Variants in DUS4L observed in about 807,000 individuals in gnomAD.
The protein encoded by DUS4L is dihydrouridine synthase 4 like, also known as tRNA-dihydrouridine(20a/20b) synthase [NAD(P)+]-like.
Under a neutral mutation model 33.8 loss-of-function variants are expected in DUS4L, and 31 were observed. The observed-to-expected ratio is 0.92, with a 90% CI of 0.69 to 1.24. The LOEUF (loss-of-function observed/expected upper bound fraction) is 1.24. Among genes scored for constraint, DUS4L ranks in the 50% most tolerant of loss-of-function variants. The pLI is 0.00. For synonymous variants in DUS4L, 103 were observed against 120.3 expected (o/e 0.86, Z 0.94); for missense variants, 368 against 388.6 (o/e 0.95, Z 0.45).
chr7:107,568,602 T>C lies in DUS4L; in HGVS notation c.116+1416T>C, dbSNP rs1804919279. Among the ~76,000 whole-genome samples, 4 of 152,326 alleles carry C rather than the reference T, an allele frequency of 2.6e-5. No homozygotes were observed. In the South Asian group the frequency reaches 8.3e-4, roughly 32 times the overall value. Reference sequence around the variant, plus strand: ...TGTCAGATGTGTGATTTGCACGTATTTTCTCCCTGTATATGGCTTGTCTTT... The same window carrying C: ...TGTCAGATGTGTGATTTGCACGTATCTTCTCCCTGTATATGGCTTGTCTTT... On this transcript the variant is annotated intron_variant, in intron 3 of 7. Coordinates refer to ENST00000265720, the MANE Select transcript of DUS4L (RefSeq NM_181581.3).
Position 107,576,541 on chromosome 7 carries a change from A to G in DUS4L, c.655A>G (p.Ile219Val), listed in dbSNP as rs769549996. The G allele has an allele frequency of 3.7e-6, 6 of 1,600,706 alleles. No homozygotes were observed. The East Asian group carries it at 9.0e-5, about 24-fold the overall frequency. The change falls in exon 7 of 8, where the codon ATC becomes GTC. Residue 219 changes from isoleucine (I) to valine (V), a missense_variant. Physicochemically the swap from Ile to Val is conservative, Grantham distance 29 (BLOSUM62 3). Transcript: ENST00000265720. ...MSIPVIANGD[I>V]RSLKEAENVW... Reference sequence around the variant, plus strand: ...TATACCTGTAATTGCTAATGGAGACATCAGAAGCTTAAAGGAAGCAGAAAA... The same window carrying G: ...TATACCTGTAATTGCTAATGGAGACGTCAGAAGCTTAAAGGAAGCAGAAAA...
chr7:107,570,936 A>T (rs1584992032), intron 3 of DUS4L: 1 of 527,958 alleles, frequency 1.9e-6, no homozygotes, highest in South Asian at 2.2e-5. Context: ...GCCTATCTGG[A>T]CATCTTTTCT....
At chr7:107,574,581 G>T (rs367579312) in intron 5 of DUS4L, among the ~76,000 whole-genome samples, 1 of 152,018 alleles carries the variant, frequency 6.6e-6, no homozygotes, top group African/African-American at 2.4e-5. Context: ...CAGGTGATCC[G>T]CCCGCCTTGG....
At chr7:107,576,833 G>C (rs1805800614) in intron 7 of DUS4L, 1 of 402,184 alleles carries the variant, frequency 2.5e-6, no homozygotes. Context: ...CTAGTGACCA[G>C]TGAAGAATTT....
chr7:107,571,344 C>G, intron 4 of DUS4L, 78 bp downstream of exon 4: 2 of 1,517,914 alleles, frequency 1.3e-6, no homozygotes, highest in Non-Finnish European at 1.8e-6. Context: ...TCAGAAACAA[C>G]ACAATTTAGA....
At chr7:107,576,027 C>G (rs1805701276) in intron 6 of DUS4L, among the ~76,000 whole-genome samples, 1 of 152,170 alleles carries the variant, frequency 6.6e-6, no homozygotes, top group Non-Finnish European at 1.5e-5. Flanking sequence ...ATTATATTCT[C>G]CCACTGGGGG....
intron 6 of DUS4L, among the ~76,000 whole-genome samples, chr7:107,575,903 G>A (rs1805683494): frequency 6.6e-6 from 1 of 152,164 alleles, no homozygotes; most frequent in Admixed American, 6.5e-5. Context: ...ACGTTGGCCA[G>A]GCCAGTCCTG....
rs113993530 is a variant in DUS4L, at chr7:107,576,277, T to A, written c.480-89T>A. On this transcript the variant is annotated intron_variant, in intron 6 of 7. Transcript: ENST00000265720. ...AATATGATATAGCAAAGCTAACTAA[T>A]TTGGTAGATGAAATACCATTTTAGT... 5.1e-5 allele frequency: 64 copies of A among 1,264,922 alleles called. No homozygotes were observed. The African/African-American group carries it at 7.3e-4, about 15-fold the overall frequency. The allele number at this position is 1,264,922 out of a possible 1,614,324, so 78.4% of individuals were successfully genotyped here.
chr7:107,577,470 G>GATA lies in DUS4L; in HGVS notation c.866_868dup (p.Ile289dup). ...AACATTTAATGTACATGATGGAAAA[G>GATA]ATAACTTCAAGGCAGGAAAAAAGGG... On this transcript the variant is annotated inframe_insertion, in exon 8 of 8. Coordinates refer to ENST00000265720, the MANE Select transcript of DUS4L (RefSeq NM_181581.3). 6.2e-7 allele frequency: 1 copy of GATA among 1,614,126 alleles called. No homozygotes were observed. The highest frequency in any genetic ancestry group is 8.5e-7 in the Non-Finnish European group (1 of 1,180,014).
chr7:107,567,218 A>G, intron 3 of DUS4L, 32 bp downstream of exon 3: 1 of 1,589,678 alleles, frequency 6.3e-7, no homozygotes, highest in Non-Finnish European at 8.6e-7. Context: ...ATGAACTAAG[A>G]TGAAATTTCC....
At position 107,567,106 on chromosome 7, in the gene DUS4L, G is replaced by A. The variant is rs1392298488; in HGVS notation, c.36G>A (p.Gln12=). 8 of 1,613,268 alleles carry A rather than the reference G, an allele frequency of 5.0e-6. No homozygotes were observed. The African/African-American group carries it at 1.1e-4, about 22-fold the overall frequency. ...KSDCMQTTIC[Q]ERKKDPIEMF... is the part of the protein sequence containing the mutation. ...ACTGCATGCAAACGACAATATGTCA[G>A]GAAAGAAAAAAAGATCCCATAGAAA... is the stretch of plus-strand genomic sequence containing the variant. Residue 12 remains glutamine (Q), a synonymous_variant, in exon 3 of 8, where the codon CAG becomes CAA. Coordinates refer to ENST00000265720, the MANE Select transcript of DUS4L (RefSeq NM_181581.3).
Position 107,564,046 on chromosome 7 carries a change from T to G in DUS4L, c.-274T>G, listed in dbSNP as rs1663390495. The stretch of plus-strand genomic sequence containing the variant: ...AGCCCGCGCCTGGGCTAAGCCTGGC[T>G]AGGAGCCGCGCAGGTACTCGAGCAG... On this transcript the variant is annotated 5_prime_UTR_variant, in exon 1 of 8. Transcript: ENST00000265720. 7.5e-6 allele frequency: 11 copies of G among 1,471,042 alleles called. No homozygotes were observed. The highest frequency in any genetic ancestry group is 9.1e-6 in the Non-Finnish European group (10 of 1,101,992). 91.1% of individuals were successfully genotyped at this position (1,471,042 alleles called of 1,614,324 possible).
chr7:107,575,204 G>A lies in DUS4L; in HGVS notation c.373G>A (p.Gly125Ser), dbSNP rs1331490327. 1 of 1,607,750 alleles carries A rather than the reference G, an allele frequency of 6.2e-7. No individual in the cohort carries two copies. Among genetic ancestry groups the A allele is most frequent in the African/African-American group, 1.3e-5 (1 of 74,332 alleles). Reference sequence around the variant, plus strand: ...TTTACAAAGGTGGGCAATGGCAGAAGGTTATGGGGCTTGCTTAATAAACAA... The same window carrying A: ...TTTACAAAGGTGGGCAATGGCAGAAAGTTATGGGGCTTGCTTAATAAACAA... The part of the protein sequence containing the change: ...GCPQRWAMAE[G>S]YGACLINKPE... Residue 125 changes from glycine (G) to serine (S), a missense_variant, in exon 6 of 8, where the codon GGT (glycine) becomes AGT (serine). Physicochemically the swap from Gly to Ser is moderately conservative, Grantham distance 56. Transcript: ENST00000265720.
chr7:107,573,722 T>A lies in DUS4L; in HGVS notation c.257T>A (p.Val86Asp), dbSNP rs560938528. ...TTNQGDCPLI[V>D]QFAANDARLL... The stretch of plus-strand genomic sequence containing the variant: ...TTGTCAGGTGATTGCCCATTGATTG[T>A]TCAGTTTGCTGCTAACGATGCAAGA... The change falls in exon 5 of 8, where the codon GTT becomes GAT. Residue 86 changes from valine to aspartate, a missense_variant. Val to Asp is a radical substitution (Grantham distance 152). Coordinates refer to ENST00000265720, the MANE Select transcript of DUS4L (RefSeq NM_181581.3). 1.1e-5 allele frequency: 17 copies of A among 1,609,314 alleles called. No individual in the cohort carries two copies. Among genetic ancestry groups the A allele is most frequent in the Non-Finnish European group, 1.4e-5 (16 of 1,178,182 alleles).
chr7:107,565,724 T>C (rs947261451), intron 2 of DUS4L, among the ~76,000 whole-genome samples: 2 of 152,072 alleles, frequency 1.3e-5, no homozygotes, highest in African/African-American at 4.8e-5. Context: ...GGGGTCTCAC[T>C]ATATTGCCCA....
chr7:107,578,380 A>AT lies in DUS4L; in HGVS notation c.*822dup, dbSNP rs2129200083. 6.6e-6 allele frequency: 1 copy of AT among 152,342 alleles called. No homozygotes were observed. The highest frequency in any genetic ancestry group is 2.4e-5 in the African/African-American group (1 of 41,572). The allele number at this position is 152,342 out of a possible 1,614,324, so 9.4% of individuals were successfully genotyped here. ...TTATCGGTGGGCATGCACTGCAAGA[A>AT]TTAAGTATCTCAGACTGAAATAAAA... On this transcript the variant is annotated 3_prime_UTR_variant, in exon 8 of 8. Coordinates refer to ENST00000265720, the MANE Select transcript of DUS4L (RefSeq NM_181581.3).
chr7:107,577,953 A>G lies in DUS4L; in HGVS notation c.*393A>G, dbSNP rs1247150698. On this transcript the variant is annotated 3_prime_UTR_variant, in exon 8 of 8. Transcript: ENST00000265720. The stretch of plus-strand genomic sequence containing the variant: ...TGGCTTATAGTATCTATAAATTAAC[A>G]AGAAGTATGCAGGTGCAAAAAAGTG... The G allele has an allele frequency of 6.5e-6, 1 of 154,746 alleles. No individual in the cohort carries two copies. The highest frequency in any genetic ancestry group is 2.4e-5 in the African/African-American group (1 of 41,486). The allele number at this position is 154,746 out of a possible 1,614,324, so 9.6% of individuals were successfully genotyped here. A position where few individuals can be genotyped will look rare whatever the true frequency, so the allele number is the denominator to read the frequency against.
intron 3 of DUS4L, among the ~76,000 whole-genome samples, chr7:107,568,936 G>A (rs796967574): frequency 8.5e-5 from 13 of 152,350 alleles, no homozygotes; most frequent in African/African-American, 3.1e-4. Context: ...AGTGGCTCAC[G>A]CCATCAAATC....
In DUS4L at chr7:107,575,287, A is replaced by G; in HGVS notation, c.456A>G (p.Gly152=). Residue 152 remains glycine (G), a synonymous_variant, in exon 6 of 8, where the codon GGA becomes GGG. Coordinates refer to ENST00000265720, the MANE Select transcript of DUS4L (RefSeq NM_181581.3). ...TAAGAAATCAAGTGGAAACCCCTGG[A>G]TTTTCAGTTTCTATTAAAATAAGGT... is the stretch of plus-strand genomic sequence containing the variant. ...KQVRNQVETP[G]FSVSIKIRIH... The G allele has an allele frequency of 6.2e-7, 1 of 1,611,592 alleles. No homozygotes were observed. The highest frequency in any genetic ancestry group is 1.1e-5 in the South Asian group (1 of 90,350).
Sources: allele counts gnomAD v4.1 joint callset (sites outside exome capture counted in the v4.1 genomes callset), GRCh38; gene constraint gnomAD v4.1.1; transcripts MANE v1.5; gene names NCBI Gene and HGNC (gene_info 2026-07-23, HGNC 2026-07-21).